Variants in FAM13C observed in about 807,000 individuals in gnomAD.
The protein encoded by FAM13C is family with sequence similarity 13 member C.
A neutral mutation model predicts 73.2 loss-of-function variants in FAM13C; 37 were observed. The ratio of observed to expected loss-of-function variants is 0.51; its 90% CI spans 0.39 to 0.67. The LOEUF (loss-of-function observed/expected upper bound fraction) is 0.67. Ranked by LOEUF, FAM13C falls within the 30% of genes least tolerant of loss-of-function variation. FAM13C has a pLI of 0.00. For synonymous variants in FAM13C, 246 were observed against 260.9 expected (o/e 0.94, Z 0.55); for missense variants, 589 against 715.6 (o/e 0.82, Z 2.02).
At chr10:59,315,474 G>A (rs1187793349) in intron 4 of FAM13C, among the ~76,000 whole-genome samples, 1 of 152,034 alleles carries the variant, frequency 6.6e-6, no homozygotes. Context: ...TTTTTACAGG[G>A]TGATGGTATG....
chr10:59,251,264 C>T (rs1315066759), intron 13 of FAM13C: 1 of 393,874 alleles, frequency 2.5e-6, no homozygotes, highest in Non-Finnish European at 4.5e-6. Context: ...AAAAAATCAA[C>T]AGATTTTTTT....
At chr10:59,270,999 GGGCAGGC>G (rs1247864256) in intron 6 of FAM13C, among the ~76,000 whole-genome samples, 3 of 152,150 alleles carry the variant, frequency 2.0e-5, no homozygotes, top group Admixed American at 1.3e-4. Context: ...ATGGAAGTAA[GGGCAGGC>G]GACTGAGGCA....
intron 6 of FAM13C, among the ~76,000 whole-genome samples, chr10:59,274,056 G>T (rs1357462006): frequency 6.6e-6 from 1 of 152,068 alleles, no homozygotes; most frequent in Non-Finnish European, 1.5e-5. Context: ...AGCCTTTGTT[G>T]GTTTCAAATG....
Position 59,284,154 on chromosome 10 carries a change from C to T in FAM13C, c.508-707G>A, listed in dbSNP as rs138390889. Reference sequence around the variant, plus strand: ...CATAACCTAGCCACTGAGGAAGAAGCAATTTATCTTTCATAGCCCTCAGCA... The same window carrying T: ...CATAACCTAGCCACTGAGGAAGAAGTAATTTATCTTTCATAGCCCTCAGCA... On this transcript the variant is annotated intron_variant, in intron 5 of 13. Coordinates refer to ENST00000618804, the MANE Select transcript of FAM13C (RefSeq NM_198215.4). Among the ~76,000 whole-genome samples, 384 of 152,130 alleles carry T rather than the reference C, an allele frequency of 2.5e-3. 4 individuals are homozygous for T. The highest frequency in any genetic ancestry group is 8.4e-3 in the African/African-American group (347 of 41,484).
intron 3 of FAM13C, among the ~76,000 whole-genome samples, chr10:59,349,337 A>G (rs139729783): frequency 1.3e-5 from 2 of 152,328 alleles, no homozygotes; most frequent in East Asian, 3.9e-4. Flanking sequence ...AACAATTGAC[A>G]CTTCAAATGA....
intron 8 of FAM13C, among the ~76,000 whole-genome samples, chr10:59,265,508 T>A (rs1842980149): frequency 6.6e-6 from 1 of 152,066 alleles, no homozygotes; most frequent in South Asian, 2.1e-4. Flanking sequence ...ACATTTGGTT[T>A]CCCAAAATCC....
chr10:59,283,961 C>T (rs948313320), intron 5 of FAM13C, among the ~76,000 whole-genome samples: 5 of 152,134 alleles, frequency 3.3e-5, no homozygotes, highest in African/African-American at 1.2e-4. Flanking sequence ...CAAAGAGTTA[C>T]TGCTGCAGAG....
At chr10:59,316,379 C>T (rs958053822) in intron 4 of FAM13C, among the ~76,000 whole-genome samples, 2 of 152,102 alleles carry the variant, frequency 1.3e-5, no homozygotes, top group Non-Finnish European at 2.9e-5. Context: ...TTTACTACAG[C>T]AATAAATACA....
At chr10:59,290,872 G>A (rs1225400153) in intron 5 of FAM13C, among the ~76,000 whole-genome samples, 3 of 152,126 alleles carry the variant, frequency 2.0e-5, no homozygotes, top group Non-Finnish European at 2.9e-5. Context: ...TGCAGGGGGG[G>A]CAGGGGTCTC....
At chr10:59,330,802 A>C (rs997693072) in intron 3 of FAM13C, among the ~76,000 whole-genome samples, 1 of 152,204 alleles carries the variant, frequency 6.6e-6, no homozygotes, top group Non-Finnish European at 1.5e-5. Context: ...AAAAGCATGA[A>C]GGAAAGCAAA....
rs1459397665 is a variant in FAM13C, at chr10:59,355,904, A to G, written c.102T>C (p.Thr34=). 6.2e-7 allele frequency: 1 copy of G among 1,613,938 alleles called. No homozygotes were observed. Among genetic ancestry groups the G allele is most frequent in the Non-Finnish European group, 8.5e-7 (1 of 1,179,928 alleles). The change falls in exon 2 of 14, where the codon ACT becomes ACC. Residue 34 remains threonine (T), a synonymous_variant. Transcript: ENST00000618804. The part of the protein sequence containing the change: ...EDPVSLHEDQ[T]DCSSLRDENN... The stretch of plus-strand genomic sequence containing the variant: ...GCTTTTACCTGAGACTGGAGCAATC[A>G]GTCTGGTCTTCATGTAGAGAGACTG...
At chr10:59,358,302 TG>T (rs1355672825) in intron 1 of FAM13C, among the ~76,000 whole-genome samples, 3 of 152,106 alleles carry the variant, frequency 2.0e-5, no homozygotes, top group African/African-American at 7.2e-5. Flanking sequence ...CACTTGAACT[TG>T]GGAGGTGGAG....
chr10:59,262,698 G>T, intron 9 of FAM13C, 53 bp from the exon 10 acceptor site: 1 of 1,458,498 alleles, frequency 6.9e-7, no homozygotes, highest in Non-Finnish European at 9.5e-7. Context: ...CTAGTTCTAA[G>T]AATGGAGAGA....
At chr10:59,261,090 A>C (rs1354731898) in intron 10 of FAM13C, among the ~76,000 whole-genome samples, 1 of 152,202 alleles carries the variant, frequency 6.6e-6, no homozygotes, top group Non-Finnish European at 1.5e-5. Flanking sequence ...GTGACTTTAA[A>C]ATACTGGAAA....
intron 4 of FAM13C, among the ~76,000 whole-genome samples, chr10:59,317,977 A>C (rs919071409): frequency 6.6e-6 from 1 of 150,568 alleles, no homozygotes; most frequent in Admixed American, 6.7e-5. Flanking sequence ...AGCCCAATGC[A>C]TCCAGAAGCC....
At chr10:59,336,420 C>T (rs932479879) in intron 3 of FAM13C, among the ~76,000 whole-genome samples, 2 of 152,282 alleles carry the variant, frequency 1.3e-5, no homozygotes, top group Non-Finnish European at 1.5e-5. Context: ...ACACCATGCA[C>T]TCAACAATGG....
chr10:59,257,120 A>C (rs940105248), intron 10 of FAM13C, among the ~76,000 whole-genome samples: 5 of 152,212 alleles, frequency 3.3e-5, no homozygotes, highest in African/African-American at 1.2e-4. Flanking sequence ...TTATTCTTCC[A>C]GTTTCTCCAT....
intron 3 of FAM13C, among the ~76,000 whole-genome samples, chr10:59,333,877 G>A (rs1209845206): frequency 6.6e-6 from 1 of 152,170 alleles, no homozygotes; most frequent in Non-Finnish European, 1.5e-5. Context: ...GTATCAACAA[G>A]GGACGTCTCT....
intron 6 of FAM13C, among the ~76,000 whole-genome samples, chr10:59,274,142 C>T (rs1844052390): frequency 1.3e-5 from 2 of 152,120 alleles, no homozygotes; most frequent in South Asian, 4.1e-4. Context: ...TCTCTCAGGA[C>T]AGACAGCAGG....
Sources: gnomAD v4.1 joint callset for allele counts (sites outside exome capture counted in the v4.1 genomes callset) on GRCh38, gnomAD v4.1.1 for gene constraint, MANE v1.5 for transcripts, NCBI Gene and HGNC (gene_info 2026-07-23, HGNC 2026-07-21) for gene names.